The following PAPPA variants were observed in gnomAD, a reference collection of about 807,000 sequenced individuals.
The protein encoded by PAPPA is pappalysin 1, also known as pappalysin-1.
Under a neutral mutation model 164.0 loss-of-function variants are expected in PAPPA, and 60 were observed. The observed-to-expected ratio is 0.37, with a 90% CI of 0.30 to 0.45. The LOEUF (loss-of-function observed/expected upper bound fraction) is 0.45. Among genes scored for constraint, PAPPA ranks in the 20% least tolerant of loss-of-function variants. PAPPA has a pLI of 1.00. For synonymous variants in PAPPA, 875 were observed against 814.1 expected (o/e 1.07, Z -1.27); for missense variants, 1,782 against 2,087.3 (o/e 0.85, Z 2.85).
At chr9:116,263,221 G>T (rs1317395648) in intron 7 of PAPPA, among the ~76,000 whole-genome samples, 1 of 152,168 alleles carries the variant, frequency 6.6e-6, no homozygotes, top group Non-Finnish European at 1.5e-5. Flanking sequence ...GATGTTAGTG[G>T]ATAAGAAGGA....
intron 10 of PAPPA, among the ~76,000 whole-genome samples, chr9:116,307,401 G>A (rs1213529421): frequency 6.6e-6 from 1 of 151,898 alleles, no homozygotes. Context: ...GGAGTTTGAG[G>A]CCAGCCTGAC....
At chr9:116,159,315 C>T (rs1308562248) in intron 1 of PAPPA, among the ~76,000 whole-genome samples, 1 of 152,136 alleles carries the variant, frequency 6.6e-6, no homozygotes, top group African/African-American at 2.4e-5. Flanking sequence ...CAAGGGTAGC[C>T]GGATCTAGGA....
In PAPPA at chr9:116,225,953, T is replaced by C. The variant is rs913216658; in HGVS notation, c.2112-1478T>C. Among the ~76,000 whole-genome samples, 3 of 152,294 alleles carry C rather than the reference T, an allele frequency of 2.0e-5. No individual in the cohort carries two copies. The East Asian group carries it at 5.8e-4, about 29-fold the overall frequency. ...GTGAAATAAAAAGATGGTTATTAGA[T>C]ATTGACTTTGTCCTCAAGGACCTCA... On this transcript the variant is annotated intron_variant, in intron 5 of 21. Coordinates refer to ENST00000328252, the MANE Select transcript of PAPPA (RefSeq NM_002581.5).
intron 17 of PAPPA, among the ~76,000 whole-genome samples, chr9:116,358,510 G>T (rs1846382325): frequency 2.6e-5 from 4 of 152,220 alleles, no homozygotes; most frequent in African/African-American, 4.8e-5. Flanking sequence ...GGGGAAGCTG[G>T]TGTAAACTGG....
intron 21 of PAPPA, among the ~76,000 whole-genome samples, chr9:116,386,642 G>A (rs1488118627): frequency 6.6e-6 from 1 of 152,172 alleles, no homozygotes; most frequent in African/African-American, 2.4e-5. Flanking sequence ...CTCCTGCATG[G>A]TGCTGAGTTT....
At chr9:116,173,848 CT>C (rs1843800827) in intron 1 of PAPPA, among the ~76,000 whole-genome samples, 1 of 152,202 alleles carries the variant, frequency 6.6e-6, no homozygotes, top group East Asian at 1.9e-4. Flanking sequence ...GCTCTATTTG[CT>C]TGTACCTCTA....
intron 9 of PAPPA, among the ~76,000 whole-genome samples, chr9:116,295,207 A>G (rs907268263): frequency 6.6e-6 from 1 of 152,222 alleles, no homozygotes; most frequent in African/African-American, 2.4e-5. Context: ...TTCCAAAAGT[A>G]ATATTGAGAC....
chr9:116,231,745 T>TTTTTC (rs1389080613), intron 6 of PAPPA, among the ~76,000 whole-genome samples: 3 of 132,462 alleles, frequency 2.3e-5, no homozygotes, highest in Non-Finnish European at 4.8e-5. Context: ...TAAACAGTGG[T>TTTTTC]TTTTCTTTTC....
intron 17 of PAPPA, among the ~76,000 whole-genome samples, chr9:116,355,627 A>C (rs1846343878): frequency 6.6e-6 from 1 of 152,218 alleles, no homozygotes; most frequent in African/African-American, 2.4e-5. Context: ...TGTTGCTAAC[A>C]GTTACCCAAA....
chr9:116,371,148 G>C lies in PAPPA; in HGVS notation c.4605+3394G>C, dbSNP rs535577571. ...AAATACTGAGGCAGCCGGGCGCGGT[G>C]GCTCACGCCTGTAATCCCAGCACAT... On this transcript the variant is annotated intron_variant, in intron 19 of 21. Coordinates refer to ENST00000328252, the MANE Select transcript of PAPPA (RefSeq NM_002581.5). 2.6e-4 allele frequency among the ~76,000 whole-genome samples: 39 copies of C among 150,522 alleles called. No individual in the cohort carries two copies. The South Asian group carries it at 5.5e-3, about 21-fold the overall frequency.
chr9:116,233,601 T>G (rs1236913685), intron 6 of PAPPA, among the ~76,000 whole-genome samples: 1 of 152,204 alleles, frequency 6.6e-6, no homozygotes, highest in African/African-American at 2.4e-5. Flanking sequence ...GAAGCCTCTG[T>G]GTATTTTCTC....
intron 4 of PAPPA, among the ~76,000 whole-genome samples, chr9:116,216,887 G>A (rs866865160): frequency 1.1e-4 from 17 of 152,038 alleles, no homozygotes; most frequent in Middle Eastern, 3.4e-3. Flanking sequence ...GATTACAGGC[G>A]TGCACCACCA....
At position 116,163,336 on chromosome 9, in the gene PAPPA, G is replaced by A. The variant is rs1843689211; in HGVS notation, c.415+8749G>A. On this transcript the variant is annotated intron_variant, in intron 1 of 21. Transcript: ENST00000328252. The stretch of plus-strand genomic sequence containing the variant: ...AGTGGGATATGAAAAGAGTGGTCAA[G>A]GGAGGCCATCATCAGAGTAGCTTTG... Among the ~76,000 whole-genome samples the A allele has an allele frequency of 2.0e-5, 3 of 152,186 alleles. No individual in the cohort carries two copies. The South Asian group carries it at 6.2e-4, about 32-fold the overall frequency.
At position 116,388,335 on chromosome 9, in the gene PAPPA, A is replaced by G. The variant is rs3827671; in HGVS notation, c.4776+5842A>G. 4.6e-5 allele frequency among the ~76,000 whole-genome samples: 7 copies of G among 152,348 alleles called. No homozygotes were observed. The East Asian group carries it at 1.4e-3, about 29-fold the overall frequency. ...AGCAGATTTCCAGAATGGTTGCTCCAGTGGTTTCCCTTCATGACAAAAAAA... is the reference window on the plus strand; with the variant it reads ...AGCAGATTTCCAGAATGGTTGCTCCGGTGGTTTCCCTTCATGACAAAAAAA... On this transcript the variant is annotated intron_variant, in intron 21 of 21. Coordinates refer to ENST00000328252, the MANE Select transcript of PAPPA (RefSeq NM_002581.5).
chr9:116,232,815 C>T (rs1416507911), intron 6 of PAPPA, among the ~76,000 whole-genome samples: 1 of 152,224 alleles, frequency 6.6e-6, no homozygotes, highest in Non-Finnish European at 1.5e-5. Context: ...ATTTCTACTC[C>T]TGTTTACTTG....
intron 2 of PAPPA, among the ~76,000 whole-genome samples, chr9:116,197,950 G>T (rs1844126889): frequency 6.6e-6 from 1 of 152,140 alleles, no homozygotes; most frequent in Non-Finnish European, 1.5e-5. Flanking sequence ...CTAAAGTCTA[G>T]AGCCAAACTA....
chr9:116,372,769 T>C (rs1454924053), intron 19 of PAPPA, among the ~76,000 whole-genome samples: 2 of 152,134 alleles, frequency 1.3e-5, no homozygotes, highest in African/African-American at 2.4e-5. Flanking sequence ...AAGAGGTAAA[T>C]TGCCATTTAT....
intron 17 of PAPPA, among the ~76,000 whole-genome samples, chr9:116,356,614 T>C (rs1470825059): frequency 1.3e-5 from 2 of 152,248 alleles, no homozygotes; most frequent in Non-Finnish European, 2.9e-5. Flanking sequence ...AAATAGGGAA[T>C]CTTTTCCCCA....
intron 10 of PAPPA, among the ~76,000 whole-genome samples, chr9:116,330,375 C>G (rs549143069): frequency 1.3e-5 from 2 of 152,290 alleles, no homozygotes; most frequent in African/African-American, 4.8e-5. Flanking sequence ...ATTGCCTGCT[C>G]TAAGCTCTTC....
Sources: allele counts gnomAD v4.1 joint callset (sites outside exome capture counted in the v4.1 genomes callset), GRCh38; gene constraint gnomAD v4.1.1; transcripts MANE v1.5; gene names NCBI Gene and HGNC (gene_info 2026-07-23, HGNC 2026-07-21).